Variants in SCN10A observed in about 807,000 individuals in gnomAD.
SCN10A encodes the protein sodium voltage-gated channel alpha subunit 10, also known as sodium channel protein type 10 subunit alpha.
SCN10A carries 162 observed loss-of-function variants against 170.7 expected under a neutral mutation model. The ratio of observed to expected loss-of-function variants is 0.95; its 90% CI spans 0.84 to 1.08. The LOEUF is 1.08. SCN10A is among the 50% of genes least tolerant of loss of function. SCN10A has a pLI of 0.00. For missense variants in SCN10A, 2,527 were observed against 2,436.9 expected (o/e 1.04, Z -0.78); for synonymous variants, 985 against 904.6 (o/e 1.09, Z -1.59).
intron 1 of SCN10A, among the ~76,000 whole-genome samples, chr3:38,801,025 G>A (rs1466861867): frequency 1.3e-5 from 2 of 152,166 alleles, no homozygotes; most frequent in African/African-American, 2.4e-5. Context: ...GGGAGAACCA[G>A]CTGACTCAGA....
At chr3:38,726,405 C>T (rs1380882050) in intron 17 of SCN10A, among the ~76,000 whole-genome samples, 2 of 152,200 alleles carry the variant, frequency 1.3e-5, no homozygotes, top group Admixed American at 6.5e-5. Context: ...ACCTGCTGCC[C>T]CCCACTCCCT....
intron 5 of SCN10A, among the ~76,000 whole-genome samples, chr3:38,766,528 G>A (rs754576613): frequency 4.6e-5 from 7 of 151,910 alleles, no homozygotes; most frequent in African/African-American, 9.7e-5. Context: ...TTTATGTGAC[G>A]TGCAGCATTT....
intron 1 of SCN10A, among the ~76,000 whole-genome samples, chr3:38,811,200 C>G (rs1449027529): frequency 6.6e-6 from 1 of 152,140 alleles, no homozygotes; most frequent in Non-Finnish European, 1.5e-5. Flanking sequence ...CGCCTGTAAT[C>G]CCAGCACTTT....
Position 38,750,070 on chromosome 3 carries a change from T to G in SCN10A, c.1867+3A>C. 1 of 1,555,900 alleles carries G rather than the reference T, an allele frequency of 6.4e-7. No individual in the cohort carries two copies. The highest frequency in any genetic ancestry group is 2.2e-5 in the East Asian group (1 of 44,620). ...GATGAACAATGCAGTGAGCAGCACT[T>G]ACCCTCAAGGACGGAGGTTATGATA... On this transcript the variant is annotated splice_donor_region_variant and intron_variant, in intron 13 of 27. Coordinates refer to ENST00000449082, the MANE Select transcript of SCN10A (RefSeq NM_006514.4).
chr3:38,757,308 G>C (rs1339508191), intron 8 of SCN10A, 149 bp from the exon 9 acceptor site: 2 of 739,194 alleles, frequency 2.7e-6, no homozygotes, highest in African/African-American at 3.5e-5. Context: ...CACTTGGTCT[G>C]TTTAGGTATT....
intron 3 of SCN10A, among the ~76,000 whole-genome samples, chr3:38,790,316 A>T (rs2064264678): frequency 6.6e-6 from 1 of 152,004 alleles, no homozygotes; most frequent in Non-Finnish European, 1.5e-5. Flanking sequence ...TTGGGGCTGG[A>T]GTTACCAAAT....
intron 1 of SCN10A, among the ~76,000 whole-genome samples, chr3:38,802,199 A>T (rs75915259): frequency 0.024 from 3,652 of 152,260 alleles, 114 homozygotes; most frequent in African/African-American, 0.079. Context: ...GGGAGCTTAA[A>T]TATAGCTCTG....
Position 38,703,024 on chromosome 3 carries a change from C to T in SCN10A, c.4387-915G>A, listed in dbSNP as rs891836494. ...ACCTGCCTTGATCTGCACATATCTC[C>T]CCCTATTCAAAGGCTGCCATTCTCC... On this transcript the variant is annotated intron_variant, in intron 26 of 27. Coordinates refer to ENST00000449082, the MANE Select transcript of SCN10A (RefSeq NM_006514.4). 7.2e-5 allele frequency among the ~76,000 whole-genome samples: 11 copies of T among 152,228 alleles called. No individual in the cohort carries two copies. In the East Asian group the frequency reaches 2.1e-3, roughly 29 times the overall value.
Position 38,697,740 on chromosome 3 carries a change from T to G in SCN10A, c.5480A>C (p.Glu1827Ala). Residue 1827 changes from glutamate to alanine, a missense_variant, in exon 28 of 28, where the codon GAG (glutamate) becomes GCG (alanine). Coordinates refer to ENST00000449082, the MANE Select transcript of SCN10A (RefSeq NM_006514.4). Reference sequence around the variant, plus strand: ...TGAAAGATTAGTTGCCATAAACTTCTCCTCCATATTTGCCTTCAGAGAATC... The same window carrying G: ...TGAAAGATTAGTTGCCATAAACTTCGCCTCCATATTTGCCTTCAGAGAATC... ...ELDSLKANME[E>A]KFMATNLSKS... is the part of the protein sequence containing the mutation. 1 of 1,613,960 alleles carries G rather than the reference T, an allele frequency of 6.2e-7. No individual in the cohort carries two copies. Among genetic ancestry groups the G allele is most frequent in the African/African-American group, 1.3e-5 (1 of 75,034 alleles).
At chr3:38,707,430 G>A (rs750188485) in intron 25 of SCN10A, 47 bp from the exon 26 acceptor site, 67 of 1,591,592 alleles carry the variant, frequency 4.2e-5, no homozygotes, top group East Asian at 3.6e-4. Flanking sequence ...AACCCCCTAC[G>A]GATACCAAAA....
intron 1 of SCN10A, among the ~76,000 whole-genome samples, chr3:38,795,779 G>T (rs1436832573): frequency 6.6e-6 from 1 of 152,076 alleles, no homozygotes; most frequent in Non-Finnish European, 1.5e-5. Flanking sequence ...AACAGCGCTA[G>T]CATTTACTGA....
At chr3:38,808,875 T>C (rs1462029531) in intron 1 of SCN10A, among the ~76,000 whole-genome samples, 1 of 152,228 alleles carries the variant, frequency 6.6e-6, no homozygotes, top group Non-Finnish European at 1.5e-5. Flanking sequence ...AAAAGAACTA[T>C]GATTTGTAAA....
At chr3:38,787,340 A>G (rs1393043508) in intron 4 of SCN10A, among the ~76,000 whole-genome samples, 1 of 152,142 alleles carries the variant, frequency 6.6e-6, no homozygotes, top group Admixed American at 6.5e-5. Context: ...GTCTATACAC[A>G]ATTGATTTAT....
At chr3:38,809,706 C>A (rs2064427591) in intron 1 of SCN10A, among the ~76,000 whole-genome samples, 1 of 152,110 alleles carries the variant, frequency 6.6e-6, no homozygotes, top group Non-Finnish European at 1.5e-5. Context: ...GAGGATTGGT[C>A]TAGGTGTATA....
At chr3:38,746,092 T>G (rs2063686338) in intron 13 of SCN10A, among the ~76,000 whole-genome samples, 1 of 121,960 alleles carries the variant, frequency 8.2e-6, no homozygotes, top group Non-Finnish European at 1.7e-5. Flanking sequence ...TATATATATA[T>G]ATATATATGC....
intron 1 of SCN10A, among the ~76,000 whole-genome samples, chr3:38,805,291 G>A (rs575156356): frequency 7.9e-5 from 12 of 152,108 alleles, no homozygotes; most frequent in Non-Finnish European, 5.9e-5. Flanking sequence ...AATACTAACT[G>A]AACTACTGTT....
At chr3:38,751,985 T>A (rs969548388) in intron 12 of SCN10A, among the ~76,000 whole-genome samples, 1 of 152,088 alleles carries the variant, frequency 6.6e-6, no homozygotes. Context: ...AAATGGAATA[T>A]AATTTGCATC....
At chr3:38,726,031 C>T (rs1251429774) in intron 17 of SCN10A, among the ~76,000 whole-genome samples, 1 of 152,172 alleles carries the variant, frequency 6.6e-6, no homozygotes, top group Non-Finnish European at 1.5e-5. Context: ...GGTGAATGCC[C>T]TGAGTTACTG....
intron 5 of SCN10A, among the ~76,000 whole-genome samples, chr3:38,767,717 T>G (rs940190619): frequency 1.3e-5 from 2 of 152,110 alleles, no homozygotes; most frequent in Non-Finnish European, 2.9e-5. Context: ...TATTCTGCAG[T>G]TGTTTGGTAG....
Sources: gnomAD v4.1 joint callset for allele counts (sites outside exome capture counted in the v4.1 genomes callset) on GRCh38, gnomAD v4.1.1 for gene constraint, MANE v1.5 for transcripts, NCBI Gene and HGNC (gene_info 2026-07-23, HGNC 2026-07-21) for gene names.